EXOC3L2: variants seen among roughly 807,000 people sequenced by gnomAD.
The protein encoded by EXOC3L2 is exocyst complex component 3-like protein 2.
A neutral mutation model predicts 44.4 loss-of-function variants in EXOC3L2; 17 were observed. That is an observed-to-expected ratio of 0.38 (90% confidence interval 0.26 to 0.57). The LOEUF (loss-of-function observed/expected upper bound fraction) is 0.57, where lower values mean the gene tolerates loss of function less well. Among genes scored for constraint, EXOC3L2 ranks in the 20% least tolerant of loss-of-function variants. EXOC3L2 has a pLI of 0.65. For synonymous variants in EXOC3L2, 256 were observed against 253.7 expected (o/e 1.01, Z -0.09); for missense variants, 541 against 588.4 (o/e 0.92, Z 0.83).
intron 2 of EXOC3L2, among the ~76,000 whole-genome samples, chr19:45,235,941 T>G (rs1240526913): frequency 6.6e-6 from 1 of 151,162 alleles, no homozygotes; most frequent in Non-Finnish European, 1.5e-5. Flanking sequence ...AAGGCAGGGT[T>G]GGGGGTGGCG....
intron 4 of EXOC3L2, 56 bp from the exon 5 acceptor site, chr19:45,228,322 T>A: frequency 6.8e-6 from 10 of 1,463,580 alleles, no homozygotes; most frequent in Non-Finnish European, 8.5e-6. Context: ...GAGGTCTTTT[T>A]TTTTATCTCT....
chr19:45,218,036 C>A (rs1969855701), intron 9 of EXOC3L2, among the ~76,000 whole-genome samples, 161 bp downstream of exon 9: 1 of 152,166 alleles, frequency 6.6e-6, no homozygotes. Context: ...GGCCACCTCT[C>A]CCATCCACAG....
chr19:45,218,165 C>T, intron 9 of EXOC3L2, 32 bp downstream of exon 9: 2 of 1,228,086 alleles, frequency 1.6e-6, no homozygotes, highest in Non-Finnish European at 2.2e-6. Context: ...TTTTCCCCCA[C>T]CCCCACCTCC....
chr19:45,235,158 A>AGTGGGCAACT (rs1340186836), intron 2 of EXOC3L2, among the ~76,000 whole-genome samples: 1 of 152,226 alleles, frequency 6.6e-6, no homozygotes, highest in South Asian at 2.1e-4. Context: ...AAAATTAGCC[A>AGTGGGCAACT]GGCGTAGTGG....
intron 7 of EXOC3L2, among the ~76,000 whole-genome samples, chr19:45,225,609 C>G (rs963535953): frequency 6.7e-6 from 1 of 150,020 alleles, no homozygotes; most frequent in African/African-American, 2.5e-5. Flanking sequence ...AAACTGTACC[C>G]TTACTCTTCT....
Position 45,238,917 on chromosome 19 carries a change from C to T in EXOC3L2, c.129G>A (p.Leu43=), listed in dbSNP as rs985934197. 4 of 399,144 alleles carry T rather than the reference C, an allele frequency of 1.0e-5. No individual in the cohort carries two copies. The highest frequency in any genetic ancestry group is 1.8e-5 in the Non-Finnish European group (4 of 226,228). 24.7% of individuals were successfully genotyped at this position (399,144 alleles called of 1,614,324 possible). A position where few individuals can be genotyped will look rare whatever the true frequency, so the allele number is the denominator to read the frequency against. The change falls in exon 2 of 12, where the codon CTG becomes CTA. Residue 43 remains leucine, a synonymous_variant. Transcript: ENST00000413988. The surrounding 1 kb of genome is among the most constrained non-coding windows in gnomAD (Gnocchi z 5.5). ...SGLEEEEAGE[L]GSLPNGTSCR... is the part of the protein sequence containing the mutation. ...AAGATGTTCCATTGGGGAGGGACCC[C>T]AGCTCCCCGGCCTCTTCTTCCTCCA...
rs1969857720 is a variant in EXOC3L2, at chr19:45,218,177, C to A, written c.1842+20G>T. On this transcript the variant is annotated intron_variant, in intron 9 of 11. Transcript: ENST00000413988. ...CTCTTTTCCCCCACCCCCACCTCCC[C>A]TCCCCTCAGGCAGGTGCACCTGGTA... The A allele has an allele frequency of 1.4e-6, 2 of 1,425,972 alleles. No homozygotes were observed. Among genetic ancestry groups the A allele is most frequent in the East Asian group, 2.6e-5 (1 of 38,642 alleles). 88.3% of individuals were successfully genotyped at this position (1,425,972 alleles called of 1,614,324 possible).
At chr19:45,230,848 G>A (rs1970023380) in intron 4 of EXOC3L2, among the ~76,000 whole-genome samples, 1 of 152,132 alleles carries the variant, frequency 6.6e-6, no homozygotes, top group Non-Finnish European at 1.5e-5. Flanking sequence ...GCTTTGGAAG[G>A]CTGAGGCTGG....
intron 8 of EXOC3L2, among the ~76,000 whole-genome samples, chr19:45,220,990 G>C (rs936077227): frequency 6.7e-6 from 1 of 149,678 alleles, no homozygotes; most frequent in African/African-American, 2.4e-5. Flanking sequence ...GAGGACACCA[G>C]AGACCCTGGA....
intron 1 of EXOC3L2, among the ~76,000 whole-genome samples, chr19:45,244,948 CATCTCCGAGACCCCATCTCTTGGG>C (rs1970157878): frequency 6.6e-6 from 1 of 151,902 alleles, no homozygotes; most frequent in African/African-American, 2.4e-5. Flanking sequence ...CCCTGTCTCC[CATCTCCGAGACCCCATCTCTTGGG>C]ATAGAACAAA....
At chr19:45,215,685 G>C (rs1045749835) in intron 11 of EXOC3L2, among the ~76,000 whole-genome samples, 2 of 152,156 alleles carry the variant, frequency 1.3e-5, no homozygotes, top group South Asian at 4.1e-4. Context: ...TACAAAGGAA[G>C]TGACCTGGCA....
At position 45,216,088 on chromosome 19, in the gene EXOC3L2, T is replaced by TCG; in HGVS notation, c.2103_2104dup (p.Asp702AlafsTer95). 6.2e-7 allele frequency: 1 copy of TCG among 1,613,712 alleles called. No individual in the cohort carries two copies. The highest frequency in any genetic ancestry group is 8.5e-7 in the Non-Finnish European group (1 of 1,179,862). On this transcript the variant is annotated frameshift_variant, in exon 11 of 12. Coordinates refer to ENST00000413988, the MANE Select transcript of EXOC3L2 (RefSeq NM_001382422.1). LOFTEE classifies it high-confidence loss of function. ...GGTGTCTCACCTGATGTCTGGGTAGTCGCGCACCAACACTCCCACCTCCAC... is the reference window on the plus strand; with the variant it reads ...GGTGTCTCACCTGATGTCTGGGTAGTCGCGCGCACCAACACTCCCACCTCCAC...
chr19:45,226,747 CTTTT>C (rs957385712), intron 7 of EXOC3L2, among the ~76,000 whole-genome samples: 11 of 90,652 alleles, frequency 1.2e-4, no homozygotes, highest in African/African-American at 3.7e-4. Context: ...ACTCCCATCT[CTTTT>C]TTTTTTTTTT....
At chr19:45,236,112 A>G (rs182626490) in intron 2 of EXOC3L2, among the ~76,000 whole-genome samples, 6 of 140,222 alleles carry the variant, frequency 4.3e-5, no homozygotes, top group African/African-American at 1.6e-4. Context: ...GGGTCTGGGT[A>G]GGGATGAGGT....
chr19:45,218,700 A>G (rs1188025037), intron 8 of EXOC3L2, among the ~76,000 whole-genome samples: 1 of 152,090 alleles, frequency 6.6e-6, no homozygotes, highest in African/African-American at 2.4e-5. Flanking sequence ...GCTCAATGGG[A>G]GAAAATAGTG....
chr19:45,215,565 GGATGAT>G (rs369100560), intron 11 of EXOC3L2, among the ~76,000 whole-genome samples: 1 of 152,040 alleles, frequency 6.6e-6, no homozygotes, highest in African/African-American at 2.4e-5. Context: ...CTATAGTCAT[GGATGAT>G]GATGATGATG....
intron 11 of EXOC3L2, 119 bp downstream of exon 11, chr19:45,215,954 C>A: frequency 1.4e-6 from 2 of 1,413,708 alleles, no homozygotes; most frequent in South Asian, 1.4e-5. Context: ...AGGAAACGGC[C>A]GTCAGACACG....
intron 4 of EXOC3L2, among the ~76,000 whole-genome samples, chr19:45,229,267 A>G (rs1970002433): frequency 8.2e-6 from 1 of 122,116 alleles, no homozygotes; most frequent in Non-Finnish European, 1.7e-5. Flanking sequence ...TTTATGTATT[A>G]AATATATACA....
rs374116483 is a variant in EXOC3L2, at chr19:45,231,635, C to T, written c.1269+128G>A. 33 of 771,584 alleles carry T rather than the reference C, an allele frequency of 4.3e-5. 2 individuals are homozygous for T. The highest frequency in any genetic ancestry group is 1.4e-4 in the East Asian group (5 of 36,292). The allele number at this position is 771,584 out of a possible 1,614,324, so 47.8% of individuals were successfully genotyped here. ...TTGTGTCTATGGCACATGGATAGAA[C>T]TCAGAAGTTCGTAAAGGGAAAAGGG... is the stretch of plus-strand genomic sequence containing the variant. On this transcript the variant is annotated intron_variant, in intron 4 of 11. Coordinates refer to ENST00000413988, the MANE Select transcript of EXOC3L2 (RefSeq NM_001382422.1).
Sources: gnomAD v4.1 joint callset for allele counts (sites outside exome capture counted in the v4.1 genomes callset) on GRCh38, gnomAD v4.1.1 for gene constraint, Gnocchi (gnomAD v3.1) non-coding constraint, MANE v1.5 for transcripts, NCBI Gene and HGNC (gene_info 2026-07-23, HGNC 2026-07-21) for gene names.